DGCR8: variants seen among roughly 807,000 people sequenced by gnomAD.
DGCR8 encodes the protein DGCR8 microprocessor complex subunit, also known as microprocessor complex subunit DGCR8.
DGCR8 carries 14 observed loss-of-function variants against 78.5 expected under a neutral mutation model. The observed-to-expected ratio is 0.18, with a 90% confidence interval of 0.12 to 0.28. The LOEUF (loss-of-function observed/expected upper bound fraction) is 0.28, where lower values mean the gene tolerates loss of function less well. Ranked by LOEUF, DGCR8 falls within the 10% of genes least tolerant of loss-of-function variation. The pLI is 1.00. For missense variants in DGCR8, 702 were observed against 1,022.5 expected (o/e 0.69, Z 4.28); for synonymous variants, 399 against 402.4 (o/e 0.99, Z 0.10).
At position 20,085,728 on chromosome 22, in the gene DGCR8, G is replaced by A. The variant is rs776787799; in HGVS notation, c.-236G>A. The A allele has an allele frequency of 3.7e-6, 5 of 1,350,644 alleles. No individual in the cohort carries two copies. Among genetic ancestry groups the A allele is most frequent in the African/African-American group, 1.5e-5 (1 of 67,128 alleles). The allele number at this position is 1,350,644 out of a possible 1,614,324, so 83.7% of individuals were successfully genotyped here. ...GCCACTCCGGCATGAAGACAGACTC[G>A]CTTAGTCGCCAGTCACTTAAGCTGA... On this transcript the variant is annotated 5_prime_UTR_variant, in exon 2 of 14. Transcript: ENST00000351989. The surrounding 1 kb of genome is among the most constrained non-coding windows in gnomAD (Gnocchi z 6.2).
rs1446527068 is a variant in DGCR8, at chr22:20,087,586, G to A, written c.880+265G>A. 6.6e-6 allele frequency among the ~76,000 whole-genome samples: 1 copy of A among 152,142 alleles called. No individual in the cohort carries two copies. The highest frequency in any genetic ancestry group is 1.5e-5 in the Non-Finnish European group (1 of 68,024). On this transcript the variant is annotated intron_variant, in intron 3 of 13. Coordinates refer to ENST00000351989, the MANE Select transcript of DGCR8 (RefSeq NM_022720.7). This position sits in a 1 kb window ranked among gnomAD's most constrained non-coding sequence, Gnocchi z 4.1. ...GAGGAATGGGAGGGGACTTCTGAGG[G>A]GGTCAGGAGGGGATGTTGGTATATG... is the stretch of plus-strand genomic sequence containing the variant.
intron 1 of DGCR8, among the ~76,000 whole-genome samples, chr22:20,083,542 C>A (rs2049441112): frequency 6.6e-6 from 1 of 152,012 alleles, no homozygotes; most frequent in African/African-American, 2.4e-5. Context: ...GCCGCTTGGC[C>A]CCATTAGCAC....
At position 20,106,266 on chromosome 22, in the gene DGCR8, G is replaced by A. The variant is rs1322605315; in HGVS notation, c.1878G>A (p.Glu626=). Residue 626 remains glutamate, a synonymous_variant, in exon 10 of 14, where the codon GAG becomes GAA. Coordinates refer to ENST00000351989, the MANE Select transcript of DGCR8 (RefSeq NM_022720.7). ...GLLSPYQILH[E]CLKRNHGMGD... ...TGTCTCCATATCAGATCCTCCACGA[G>A]TGCCTTAAAAGGTAGGGTAGGGGGG... The A allele has an allele frequency of 1.9e-6, 3 of 1,613,436 alleles. No homozygotes were observed. In the African/African-American group the frequency reaches 4.0e-5, roughly 22 times the overall value.
intron 8 of DGCR8, among the ~76,000 whole-genome samples, chr22:20,094,407 T>C (rs1167488265): frequency 6.6e-6 from 1 of 152,200 alleles, no homozygotes; most frequent in Non-Finnish European, 1.5e-5. Flanking sequence ...AAAGCTGTTT[T>C]CTCACGTGCC....
Position 20,089,632 on chromosome 22 carries a change from T to A in DGCR8, c.881-37T>A, listed in dbSNP as rs142854198. 2.8e-3 allele frequency: 4,439 copies of A among 1,609,740 alleles called. 10 individuals are homozygous for A. Among genetic ancestry groups the A allele is most frequent in the Middle Eastern group, 7.9e-3 (47 of 5,982 alleles). On this transcript the variant is annotated intron_variant, in intron 3 of 13. Transcript: ENST00000351989. This position sits in a 1 kb window ranked among gnomAD's most constrained non-coding sequence, Gnocchi z 4.9. Reference sequence around the variant, plus strand: ...CTGTGGCAACAATTCCAAGTGTTTTTACAGTGATTATAGGATGTTCTTGTC... The same window carrying A: ...CTGTGGCAACAATTCCAAGTGTTTTAACAGTGATTATAGGATGTTCTTGTC...
chr22:20,095,574 T>A (rs2049619099), intron 9 of DGCR8, among the ~76,000 whole-genome samples: 1 of 152,188 alleles, frequency 6.6e-6, no homozygotes, highest in Non-Finnish European at 1.5e-5. Context: ...AATTGATTAA[T>A]ACATATTTTG....
intron 1 of DGCR8, among the ~76,000 whole-genome samples, chr22:20,084,794 C>T (rs769449976): frequency 7.9e-5 from 12 of 152,236 alleles, no homozygotes; most frequent in Non-Finnish European, 1.3e-4. Flanking sequence ...TTGCCAGGGC[C>T]TCTTTCACAC....
chr22:20,103,469 G>C (rs1568960470), intron 9 of DGCR8, among the ~76,000 whole-genome samples: 1 of 152,132 alleles, frequency 6.6e-6, no homozygotes, highest in Non-Finnish European at 1.5e-5. Context: ...TTTTTCTGTA[G>C]ATTCCTTATC....
At position 20,087,095 on chromosome 22, in the gene DGCR8, G is replaced by T. The variant is rs1256442045; in HGVS notation, c.721-67G>T. 4.5e-6 allele frequency: 7 copies of T among 1,542,930 alleles called. No homozygotes were observed. Among genetic ancestry groups the T allele is most frequent in the Non-Finnish European group, 6.1e-6 (7 of 1,139,626 alleles). ...TTCTGTGTCTGTTCTCAGGAATGCT[G>T]TTGAGCTCTCCTGTTGCAGGAGCAT... On this transcript the variant is annotated intron_variant, in intron 2 of 13. Coordinates refer to ENST00000351989, the MANE Select transcript of DGCR8 (RefSeq NM_022720.7). This position sits in a 1 kb window ranked among gnomAD's most constrained non-coding sequence, Gnocchi z 4.1.
At chr22:20,099,152 G>T (rs956922188) in intron 9 of DGCR8, among the ~76,000 whole-genome samples, 15 of 152,190 alleles carry the variant, frequency 9.9e-5, no homozygotes, top group Non-Finnish European at 2.1e-4. Flanking sequence ...TAGCCTTTGT[G>T]TGCCACCTGC....
chr22:20,089,624 A>T lies in DGCR8; in HGVS notation c.881-45A>T. 6.2e-7 allele frequency: 1 copy of T among 1,604,826 alleles called. No individual in the cohort carries two copies. On this transcript the variant is annotated intron_variant, in intron 3 of 13. Transcript: ENST00000351989. The surrounding 1 kb of genome is among the most constrained non-coding windows in gnomAD (Gnocchi z 4.9). ...AGGAGGTGCTGTGGCAACAATTCCAAGTGTTTTTACAGTGATTATAGGATG... is the reference window on the plus strand; with the variant it reads ...AGGAGGTGCTGTGGCAACAATTCCATGTGTTTTTACAGTGATTATAGGATG...
Position 20,087,035 on chromosome 22 carries a change from T to A in DGCR8, c.721-127T>A. ...TTGTTTTTCAGATGATCATGCACCC[T>A]AAGGGCACATCTAGGCCCCCTGAGA... is the stretch of plus-strand genomic sequence containing the variant. On this transcript the variant is annotated intron_variant, in intron 2 of 13. Transcript: ENST00000351989. This position sits in a 1 kb window ranked among gnomAD's most constrained non-coding sequence, Gnocchi z 4.1. The A allele has an allele frequency of 8.0e-7, 1 of 1,254,962 alleles. No homozygotes were observed. Among genetic ancestry groups the A allele is most frequent in the Admixed American group, 2.3e-5 (1 of 43,630 alleles). The allele number at this position is 1,254,962 out of a possible 1,614,324, so 77.7% of individuals were successfully genotyped here.
intron 9 of DGCR8, among the ~76,000 whole-genome samples, chr22:20,098,783 C>G (rs990155905): frequency 6.6e-6 from 1 of 152,128 alleles, no homozygotes; most frequent in African/African-American, 2.4e-5. Flanking sequence ...TCCACATTGC[C>G]CATTTGATAG....
chr22:20,099,913 G>A (rs1423223315), intron 9 of DGCR8, among the ~76,000 whole-genome samples: 1 of 152,186 alleles, frequency 6.6e-6, no homozygotes, highest in Non-Finnish European at 1.5e-5. Flanking sequence ...GGGATTACAG[G>A]CGTGAGCCAC....
At chr22:20,083,366 G>GGTGTGTGT (rs142817386) in intron 1 of DGCR8, among the ~76,000 whole-genome samples, 1 of 149,430 alleles carries the variant, frequency 6.7e-6, no homozygotes, top group Non-Finnish European at 1.5e-5. Context: ...CATCTAGGAT[G>GGTGTGTGT]GTGTGTGTGT....
Position 20,110,236 on chromosome 22 carries a change from C to CA in DGCR8, c.*128_*129insA. ...CCTTCCCTGTGGCCAACCTGTGGGC[C>CA]CGGCCTTAGGGTGGAGGCTTTAGTG... is the stretch of plus-strand genomic sequence containing the variant. On this transcript the variant is annotated 3_prime_UTR_variant, in exon 14 of 14. Coordinates refer to ENST00000351989, the MANE Select transcript of DGCR8 (RefSeq NM_022720.7). 2.1e-6 allele frequency: 2 copies of CA among 932,374 alleles called. No homozygotes were observed. The highest frequency in any genetic ancestry group is 3.3e-6 in the Non-Finnish European group (2 of 615,152). 57.8% of individuals were successfully genotyped at this position (932,374 alleles called of 1,614,324 possible).
Position 20,111,706 on chromosome 22 carries a change from G to GCCCGCC in DGCR8, c.*1601_*1602insGCCCCC, listed in dbSNP as rs2049850452. Reference sequence around the variant, plus strand: ...TGCCATACTCTTGTGGTCTCTGTGCGCCCCCCCCCCCCCCCCACCCGTCTG... The same window carrying GCCCGCC: ...TGCCATACTCTTGTGGTCTCTGTGCGCCCGCCCCCCCCCCCCCCCCCCACCCGTCTG... On this transcript the variant is annotated 3_prime_UTR_variant, in exon 14 of 14. Transcript: ENST00000351989. The GCCCGCC allele has an allele frequency of 7.9e-5, 5 of 63,040 alleles. No homozygotes were observed. The highest frequency in any genetic ancestry group is 1.5e-4 in the Non-Finnish European group (5 of 33,560). 3.9% of individuals were successfully genotyped at this position (63,040 alleles called of 1,614,324 possible).
chr22:20,106,129 G>A, intron 9 of DGCR8, 48 bp from the exon 10 acceptor site: 1 of 1,535,138 alleles, frequency 6.5e-7, no homozygotes, highest in Non-Finnish European at 9.0e-7. Flanking sequence ...GCCATGAAGA[G>A]GCCGGTGGGC....
At chr22:20,093,289 C>T (rs969758649) in intron 8 of DGCR8, among the ~76,000 whole-genome samples, 1 of 152,000 alleles carries the variant, frequency 6.6e-6, no homozygotes, top group Non-Finnish European at 1.5e-5. Context: ...CCTGTAGTCT[C>T]AGCTACTCGG....
Sources: allele counts gnomAD v4.1 joint callset (sites outside exome capture counted in the v4.1 genomes callset), GRCh38; gene constraint gnomAD v4.1.1; non-coding constraint Gnocchi (gnomAD v3.1); transcripts MANE v1.5; gene names NCBI Gene and HGNC (gene_info 2026-07-23, HGNC 2026-07-21).